The following GCNT2 variants were observed in gnomAD, a reference collection of about 807,000 sequenced individuals.
GCNT2 encodes N-acetyllactosaminide beta-1,6-N-acetylglucosaminyl-transferase.
In GCNT2, 34 loss-of-function variants were observed where a neutral mutation model predicts 34.2. The ratio of observed to expected loss-of-function variants is 1.00; its 90% CI spans 0.76 to 1.32. The LOEUF (loss-of-function observed/expected upper bound fraction) is 1.32, where lower values mean the gene tolerates loss of function less well. GCNT2 is among the 40% of genes most tolerant of loss of function. GCNT2 has a pLI of 0.00. For synonymous variants in GCNT2, 212 were observed against 188.0 expected (o/e 1.13, Z -1.04); for missense variants, 584 against 489.4 (o/e 1.19, Z -1.82).
At chr6:10,542,881 C>G (rs1430726527) in intron 3 of GCNT2, among the ~76,000 whole-genome samples, 1 of 144,972 alleles carries the variant, frequency 6.9e-6, no homozygotes, top group Non-Finnish European at 1.5e-5. Context: ...ACTGCTGGTC[C>G]CTATGTTAAT....
intron 1 of GCNT2, among the ~76,000 whole-genome samples, chr6:10,524,312 A>G (rs924352049): frequency 2.1e-5 from 3 of 146,168 alleles, no homozygotes; most frequent in Non-Finnish European, 3.0e-5. Flanking sequence ...GTGCGATGGC[A>G]CGATCTCGGC....
chr6:10,544,634 T>TTAAA (rs60548681), intron 3 of GCNT2, among the ~76,000 whole-genome samples: 1,912 of 149,258 alleles, frequency 0.013, 35 homozygotes, highest in African/African-American at 0.036. Flanking sequence ...AAATAAAATA[T>TTAAA]TAAATAAATA....
intron 1 of GCNT2, among the ~76,000 whole-genome samples, chr6:10,525,911 T>A (rs902482950): frequency 6.6e-6 from 1 of 152,158 alleles, no homozygotes; most frequent in African/African-American, 2.4e-5. Flanking sequence ...AGGCCAAGAA[T>A]GAGGTAAGAG....
At chr6:10,590,198 G>A (rs1764569146) in intron 3 of GCNT2, among the ~76,000 whole-genome samples, 1 of 152,110 alleles carries the variant, frequency 6.6e-6, no homozygotes, top group Non-Finnish European at 1.5e-5. Flanking sequence ...AGGAGTTTCA[G>A]TCCAGCCTGG....
intron 3 of GCNT2, among the ~76,000 whole-genome samples, chr6:10,580,837 C>T (rs186846945): frequency 6.6e-6 from 1 of 152,076 alleles, no homozygotes; most frequent in Admixed American, 6.6e-5. Context: ...CTCAGAGGGC[C>T]CCGCAGGCAG....
At chr6:10,543,242 C>T (rs1762116930) in intron 3 of GCNT2, among the ~76,000 whole-genome samples, 2 of 150,276 alleles carry the variant, frequency 1.3e-5, no homozygotes, top group South Asian at 2.1e-4. Flanking sequence ...CTCGCTCTGT[C>T]GCCCAGGCTG....
chr6:10,607,549 CACAG>C (rs899751981), intron 3 of GCNT2, among the ~76,000 whole-genome samples: 6 of 152,070 alleles, frequency 3.9e-5, no homozygotes, highest in Non-Finnish European at 8.8e-5. Context: ...TGCGCAGGGA[CACAG>C]ATCCAGACCA....
Position 10,549,670 on chromosome 6 carries a change from C to T in GCNT2, c.925+19834C>T, listed in dbSNP as rs370816955. ...CACTGCAACATCCGCCTCTCAGGCT[C>T]AAGCAATTCTCCTGCCTCAGTCTCC... On this transcript the variant is annotated intron_variant, in intron 3 of 4. Transcript: ENST00000495262. 8.8e-5 allele frequency among the ~76,000 whole-genome samples: 13 copies of T among 148,312 alleles called. No homozygotes were observed. In the East Asian group the frequency reaches 2.7e-3, roughly 31 times the overall value.
chr6:10,563,776 AAATAT>A (rs1223937539), intron 3 of GCNT2, among the ~76,000 whole-genome samples: 11 of 36,742 alleles, frequency 3.0e-4, no homozygotes, highest in African/African-American at 1.4e-3. Context: ...AAAAAAAAAA[AAATAT>A]ATATATATAT....
At chr6:10,613,720 C>T (rs1765650001) in intron 3 of GCNT2, among the ~76,000 whole-genome samples, 2 of 151,804 alleles carry the variant, frequency 1.3e-5, no homozygotes, top group African/African-American at 2.4e-5. Context: ...GCTTTATATA[C>T]GTGTGTGTGT....
At chr6:10,586,074 C>T in intron 3 of GCNT2, 1 of 1,614,054 alleles carries the variant, frequency 6.2e-7, no homozygotes, top group Non-Finnish European at 8.5e-7. Flanking sequence ...CCAATTGAGC[C>T]CGCCAAAAAG....
intron 3 of GCNT2, among the ~76,000 whole-genome samples, chr6:10,539,222 C>T (rs141950791): frequency 0.033 from 3,254 of 98,668 alleles, 75 homozygotes; most frequent in Admixed American, 0.063. Context: ...AGAGTTTCAC[C>T]CTTGTTGCCC....
In GCNT2 at chr6:10,561,141, C is replaced by T. The variant is rs536865035; in HGVS notation, c.925+31305C>T. 9.2e-5 allele frequency among the ~76,000 whole-genome samples: 14 copies of T among 152,274 alleles called. No individual in the cohort carries two copies. In the South Asian group the frequency reaches 2.3e-3, roughly 25 times the overall value. On this transcript the variant is annotated intron_variant, in intron 3 of 4. Transcript: ENST00000495262. ...AAAAACCCATGTGCTCTAGCTCTCC[C>T]GGCTCTTCTTTCAGAATTTTCTTTT...
At chr6:10,574,750 G>T in intron 3 of GCNT2, 1 of 560,692 alleles carries the variant, frequency 1.8e-6, no homozygotes. Flanking sequence ...CACCTATGAT[G>T]CCATGAATTC....
At chr6:10,528,141 T>G (rs1001490214) in intron 2 of GCNT2, among the ~76,000 whole-genome samples, 18 of 152,152 alleles carry the variant, frequency 1.2e-4, no homozygotes, top group African/African-American at 4.3e-4. Context: ...CTTTGTGCAG[T>G]AAGTTAGGTG....
chr6:10,575,502 C>T (rs914501483), intron 3 of GCNT2, among the ~76,000 whole-genome samples: 3 of 152,058 alleles, frequency 2.0e-5, no homozygotes, highest in Non-Finnish European at 4.4e-5. Context: ...GCTAGGATTA[C>T]AGGTGCCTGC....
intron 3 of GCNT2, among the ~76,000 whole-genome samples, chr6:10,544,409 T>A (rs914685549): frequency 3.3e-5 from 5 of 150,752 alleles, no homozygotes; most frequent in Non-Finnish European, 7.4e-5. Flanking sequence ...TCAAGACCAG[T>A]CTGGCTAACT....
rs1193537723 is a variant in GCNT2, at chr6:10,621,213, AGT to A, written c.926-137_926-136del. ...GGAGGAAACAGAAGATGGGTAGATC[AGT>A]ACATACCAATCTGTGTGAAATGCGA... On this transcript the variant is annotated intron_variant, in intron 3 of 4. Transcript: ENST00000495262. 18 of 695,386 alleles carry A rather than the reference AGT, an allele frequency of 2.6e-5. No individual in the cohort carries two copies. The African/African-American group carries it at 3.0e-4, about 12-fold the overall frequency. 43.1% of individuals were successfully genotyped at this position (695,386 alleles called of 1,614,324 possible).
At chr6:10,591,146 G>C (rs540726220) in intron 3 of GCNT2, among the ~76,000 whole-genome samples, 10 of 152,144 alleles carry the variant, frequency 6.6e-5, no homozygotes, top group African/African-American at 2.4e-4. Flanking sequence ...CTCAGTATTT[G>C]AGCTCCTTAA....
Sources: gnomAD v4.1 joint callset for allele counts (sites outside exome capture counted in the v4.1 genomes callset) on GRCh38, gnomAD v4.1.1 for gene constraint, MANE v1.5 for transcripts, NCBI Gene and HGNC (gene_info 2026-07-23, HGNC 2026-07-21) for gene names.